Variants in PCDHGA5 observed in about 807,000 individuals in gnomAD.
PCDHGA5 encodes the protein protocadherin gamma-A5.
In PCDHGA5, 36 loss-of-function variants were observed where a neutral mutation model predicts 56.7. The observed-to-expected ratio is 0.64, with a 90% CI of 0.49 to 0.84. The LOEUF is 0.84. Among genes scored for constraint, PCDHGA5 ranks in the 40% least tolerant of loss-of-function variants. PCDHGA5 has a pLI of 0.00. For synonymous variants in PCDHGA5, 563 were observed against 520.2 expected, an observed-to-expected ratio of 1.08 and a Z score of -1.12; for missense variants, 1,305 against 1,201.5, an observed-to-expected ratio of 1.09 and a Z score of -1.27.
chr5:141,419,980 G>T lies in PCDHGA5; in HGVS notation c.2421+53229G>T, dbSNP rs182372807. 1.1e-4 allele frequency: 180 copies of T among 1,614,080 alleles called. No individual in the cohort carries two copies. The East Asian group carries it at 1.1e-3, about 10-fold the overall frequency. On this transcript the variant is annotated intron_variant, in intron 1 of 3. Transcript: ENST00000518069. ...TTTCTGTGCTCTTTCTCCTCGCGGTGATTCTAGCTATTGCTCTACGCCTGC... is the reference window on the plus strand; with the variant it reads ...TTTCTGTGCTCTTTCTCCTCGCGGTTATTCTAGCTATTGCTCTACGCCTGC...
chr5:141,462,623 T>C (rs992165332), intron 1 of PCDHGA5, among the ~76,000 whole-genome samples: 3 of 150,992 alleles, frequency 2.0e-5, no homozygotes, highest in Non-Finnish European at 4.4e-5. Context: ...CTTTTAGAAG[T>C]TCCATTTGAC....
At chr5:141,370,775 C>A in intron 1 of PCDHGA5, 5 of 1,613,966 alleles carry the variant, frequency 3.1e-6, no homozygotes, top group Non-Finnish European at 4.2e-6. Context: ...AGGATATTAA[C>A]GACAACCCAC....
chr5:141,371,193 A>T, intron 1 of PCDHGA5: 1 of 1,614,034 alleles, frequency 6.2e-7, no homozygotes. Flanking sequence ...AGTGATGGCC[A>T]TTGACATGGA....
At chr5:141,424,723 T>A (rs2096836963) in intron 1 of PCDHGA5, 2 of 152,144 alleles carry the variant, frequency 1.3e-5, no homozygotes, top group African/African-American at 4.8e-5. Context: ...TAGTTGGGAG[T>A]CATAGATTCC....
chr5:141,436,089 T>C (rs1001252646), intron 1 of PCDHGA5, among the ~76,000 whole-genome samples: 1 of 152,204 alleles, frequency 6.6e-6, no homozygotes, highest in Non-Finnish European at 1.5e-5. Context: ...ATAGGTAATA[T>C]TGAGAGAAAT....
In PCDHGA5 at chr5:141,477,670, A is replaced by G; in HGVS notation, c.2422-17137A>G. 1 of 1,614,198 alleles carries G rather than the reference A, an allele frequency of 6.2e-7. No individual in the cohort carries two copies. The highest frequency in any genetic ancestry group is 1.7e-5 in the Admixed American group (1 of 60,028). ...TCACAATAAATCGTGACAATGGCAT[A>G]GTGTCATCCTTAGTGCCCCTAGACT... On this transcript the variant is annotated intron_variant, in intron 1 of 3. Coordinates refer to ENST00000518069, the MANE Select transcript of PCDHGA5 (RefSeq NM_018918.3). This position sits in a 1 kb window ranked among gnomAD's most constrained non-coding sequence, Gnocchi z 4.9.
In PCDHGA5 at chr5:141,365,624, CT is replaced by C. The variant is rs746073456; in HGVS notation, c.1295del (p.Leu432ProfsTer9). On this transcript the variant is annotated frameshift_variant, in exon 1 of 4. Transcript: ENST00000518069. LOFTEE classifies it high-confidence loss of function. ...LTVMDHGTPP[L>X]STESHIPLKV... ...CGTCATGGACCATGGAACCCCGCCCCTCTCTACAGAAAGCCACATCCCCTTG... is the reference window on the plus strand; with the variant it reads ...CGTCATGGACCATGGAACCCCGCCCCCTCTACAGAAAGCCACATCCCCTTG... The C allele has an allele frequency of 1.7e-5, 28 of 1,613,680 alleles. No individual in the cohort carries two copies. Among genetic ancestry groups the C allele is most frequent in the East Asian group, 1.3e-4 (6 of 44,874 alleles).
intron 3 of PCDHGA5, among the ~76,000 whole-genome samples, chr5:141,509,685 A>G (rs923641083): frequency 6.6e-6 from 1 of 152,166 alleles, no homozygotes. Flanking sequence ...TCTTCTGTAC[A>G]GTGGGACGTT....
At chr5:141,433,765 A>G (rs1389737053) in intron 1 of PCDHGA5, among the ~76,000 whole-genome samples, 1 of 148,692 alleles carries the variant, frequency 6.7e-6, no homozygotes, top group Non-Finnish European at 1.5e-5. Flanking sequence ...TTAACCTGGG[A>G]GGTGGAGGTT....
intron 1 of PCDHGA5, among the ~76,000 whole-genome samples, chr5:141,425,003 T>C (rs75915888): frequency 0.036 from 5,431 of 152,274 alleles, 181 homozygotes; most frequent in African/African-American, 0.084. Context: ...AGTTTAGTTT[T>C]CTCATTTAGG....
At chr5:141,444,129 T>C (rs897901109) in intron 1 of PCDHGA5, among the ~76,000 whole-genome samples, 3 of 147,096 alleles carry the variant, frequency 2.0e-5, no homozygotes, top group African/African-American at 5.0e-5. Context: ...TCTCAACAGA[T>C]ATGTGTCACT....
intron 1 of PCDHGA5, chr5:141,388,812 G>C (rs775037681): frequency 6.2e-7 from 1 of 1,613,934 alleles, no homozygotes. Flanking sequence ...TTTTGAAGAA[G>C]TCAAAGAATA....
chr5:141,410,023 C>G, intron 1 of PCDHGA5: 1 of 1,613,310 alleles, frequency 6.2e-7, no homozygotes, highest in Non-Finnish European at 8.5e-7. Context: ...TGTCCTACCA[C>G]GTGCTGCAGG....
intron 2 of PCDHGA5, among the ~76,000 whole-genome samples, chr5:141,500,281 T>A (rs1254933339): frequency 2.0e-5 from 3 of 151,934 alleles, no homozygotes; most frequent in Non-Finnish European, 4.4e-5. Context: ...CAATCTCGGC[T>A]CACTGCAAGC....
chr5:141,428,293 C>T, intron 1 of PCDHGA5: 1 of 716,436 alleles, frequency 1.4e-6, no homozygotes, highest in South Asian at 1.6e-5. Context: ...AGCAAAGCTG[C>T]AGATTTACCT....
chr5:141,368,627 T>A (rs1237870416), intron 1 of PCDHGA5, among the ~76,000 whole-genome samples: 1 of 152,216 alleles, frequency 6.6e-6, no homozygotes, highest in Admixed American at 6.5e-5. Flanking sequence ...ACATTTCTTC[T>A]GAGTTAAATG....
chr5:141,404,555 A>G (rs751841732), intron 1 of PCDHGA5: 1 of 1,613,802 alleles, frequency 6.2e-7, no homozygotes, highest in African/African-American at 1.3e-5. Flanking sequence ...GGTGACGGCA[A>G]GTGACAGTGG....
In PCDHGA5 at chr5:141,487,608, G is replaced by T; in HGVS notation, c.2422-7199G>T. 1 of 1,614,182 alleles carries T rather than the reference G, an allele frequency of 6.2e-7. No individual in the cohort carries two copies. The highest frequency in any genetic ancestry group is 8.5e-7 in the Non-Finnish European group (1 of 1,180,042). On this transcript the variant is annotated intron_variant, in intron 1 of 3. Coordinates refer to ENST00000518069, the MANE Select transcript of PCDHGA5 (RefSeq NM_018918.3). The surrounding 1 kb of genome is among the most constrained non-coding windows in gnomAD (Gnocchi z 5.0). ...TGCCCACCCTCTGATCTTCTCTATG[G>T]GCTAGAGGTGAGACCTTTGCAGGCT...
chr5:141,415,389 T>A lies in PCDHGA5; in HGVS notation c.2421+48638T>A, dbSNP rs1282535508. On this transcript the variant is annotated intron_variant, in intron 1 of 3. Transcript: ENST00000518069. ...AGGCTTCAGGAGGCGGCTTGACAGG[T>A]GTGTCCGGCTCGCACTTTGTGGGCG... 9.3e-6 allele frequency: 15 copies of A among 1,614,162 alleles called. No individual in the cohort carries two copies. The East Asian group carries it at 2.5e-4, about 26-fold the overall frequency.
Sources: gnomAD v4.1 joint callset for allele counts (sites outside exome capture counted in the v4.1 genomes callset) on GRCh38, gnomAD v4.1.1 for gene constraint, Gnocchi (gnomAD v3.1) non-coding constraint, MANE v1.5 for transcripts, NCBI Gene and HGNC (gene_info 2026-07-23, HGNC 2026-07-21) for gene names.